The following EPHA6 variants were observed in gnomAD, a reference collection of about 807,000 sequenced individuals.
The protein encoded by EPHA6 is ephrin type-A receptor 6.
EPHA6 carries 50 observed loss-of-function variants against 112.0 expected under a neutral mutation model. The ratio of observed to expected loss-of-function variants is 0.45; its 90% CI spans 0.36 to 0.56. The LOEUF is 0.56. EPHA6 is among the 20% of genes least tolerant of loss of function. The probability of loss-of-function intolerance (pLI) is 0.00; values close to 1 mark genes in which losing one functional copy is unlikely to be tolerated. For missense variants in EPHA6, 1,280 were observed against 1,417.4 expected (o/e 0.90, Z 1.56); for synonymous variants, 529 against 490.7 (o/e 1.08, Z -1.03).
intron 11 of EPHA6, among the ~76,000 whole-genome samples, chr3:97,545,183 C>T (rs1289838086): frequency 6.6e-6 from 1 of 152,052 alleles, no homozygotes; most frequent in South Asian, 2.1e-4. Context: ...ATCTTTCCTG[C>T]TTTCTCTTGT....
rs557465531 is a variant in EPHA6 at position 97,213,952 on chromosome 3, C to G, written c.1115-12312C>G. On this transcript the variant is annotated intron_variant, in intron 3 of 17. Coordinates refer to ENST00000389672, the MANE Select transcript of EPHA6 (RefSeq NM_001080448.3). ...TGACAGTAAGAAATTGGAATTAGTA[C>G]CAGTACTCCTTTACATACATTATCT... Among the ~76,000 whole-genome samples the G allele has an allele frequency of 2.7e-5, 4 of 150,748 alleles. No individual in the cohort carries two copies. The South Asian group carries it at 6.3e-4, about 24-fold the overall frequency.
At chr3:97,373,282 T>A (rs1357337947) in intron 5 of EPHA6, among the ~76,000 whole-genome samples, 3 of 152,110 alleles carry the variant, frequency 2.0e-5, no homozygotes, top group Non-Finnish European at 4.4e-5. Flanking sequence ...CCATTTCTGT[T>A]CGTTTTGTAA....
intron 5 of EPHA6, among the ~76,000 whole-genome samples, chr3:97,396,732 G>T (rs759855201): frequency 2.1e-4 from 32 of 151,570 alleles, no homozygotes; most frequent in Non-Finnish European, 3.8e-4. Context: ...TTAAAATAAA[G>T]ACAGTCTCCA....
intron 10 of EPHA6, among the ~76,000 whole-genome samples, chr3:97,527,537 C>T (rs1289418342): frequency 6.6e-6 from 1 of 152,016 alleles, no homozygotes. Flanking sequence ...GGATTTTGTA[C>T]CTCAAGAGAT....
chr3:97,536,951 A>G (rs1003860027), intron 11 of EPHA6, among the ~76,000 whole-genome samples: 14 of 152,206 alleles, frequency 9.2e-5, no homozygotes, highest in Non-Finnish European at 2.1e-4. Context: ...TTTGTTTTTA[A>G]AAGAAGAGTC....
intron 3 of EPHA6, among the ~76,000 whole-genome samples, chr3:97,154,895 A>G (rs1368664708): frequency 1.3e-5 from 2 of 152,214 alleles, no homozygotes; most frequent in African/African-American, 4.8e-5. Flanking sequence ...TGCATACTTT[A>G]TTCACATTTT....
At chr3:97,075,840 G>T (rs1576441547) in intron 3 of EPHA6, among the ~76,000 whole-genome samples, 1 of 151,732 alleles carries the variant, frequency 6.6e-6, no homozygotes, top group Non-Finnish European at 1.5e-5. Context: ...TATTGTATCT[G>T]TTAGGTGATC....
rs1457323766 is a variant in EPHA6, at chr3:97,738,368, T to C, written c.3128+2250T>C. ...TTAATCTGGGCCCCTTGTTGTGGTA[T>C]AGAGTTAACAGAATCCACAATCAGT... On this transcript the variant is annotated intron_variant, in intron 16 of 17. Transcript: ENST00000389672. Among the ~76,000 whole-genome samples, 5 of 152,022 alleles carry C rather than the reference T, an allele frequency of 3.3e-5. No homozygotes were observed. The East Asian group carries it at 7.8e-4, about 24-fold the overall frequency.
chr3:97,308,105 C>T (rs548464915), intron 5 of EPHA6, among the ~76,000 whole-genome samples: 3 of 151,736 alleles, frequency 2.0e-5, no homozygotes, highest in South Asian at 2.1e-4. Flanking sequence ...ACTCATCAGT[C>T]GTCACCTCTT....
chr3:97,463,052 A>T (rs985514981), intron 7 of EPHA6, among the ~76,000 whole-genome samples: 1 of 152,162 alleles, frequency 6.6e-6, no homozygotes, highest in Admixed American at 6.6e-5. Context: ...AGATGAGAGA[A>T]ATACAAGAAT....
intron 2 of EPHA6, among the ~76,000 whole-genome samples, chr3:96,869,405 C>T (rs2036511405): frequency 1.3e-5 from 2 of 151,120 alleles, no homozygotes; most frequent in African/African-American, 4.9e-5. Context: ...AGGAATTGGC[C>T]TTGAAAAAAA....
intron 2 of EPHA6, among the ~76,000 whole-genome samples, chr3:96,962,412 A>G (rs536160444): frequency 1.3e-4 from 20 of 151,126 alleles, no homozygotes; most frequent in Admixed American, 8.6e-4. Flanking sequence ...AACAGAAGCT[A>G]GAGTTGAGAG....
intron 3 of EPHA6, among the ~76,000 whole-genome samples, chr3:97,127,860 A>G (rs1257991001): frequency 1.3e-5 from 2 of 151,900 alleles, no homozygotes; most frequent in Non-Finnish European, 2.9e-5. Flanking sequence ...GTGAAATTCA[A>G]TATTCTTTAG....
chr3:97,153,343 CA>C (rs948615570), intron 3 of EPHA6, among the ~76,000 whole-genome samples: 1 of 151,452 alleles, frequency 6.6e-6, no homozygotes, highest in Non-Finnish European at 1.5e-5. Context: ...ATAGTTTAAA[CA>C]AAAAAAATCC....
intron 2 of EPHA6, among the ~76,000 whole-genome samples, chr3:96,938,040 G>A (rs2040702322): frequency 6.6e-6 from 1 of 152,024 alleles, no homozygotes; most frequent in South Asian, 2.1e-4. Context: ...GTCAGGTAGT[G>A]TGATGCCTCC....
chr3:96,990,996 G>A (rs954997099), intron 3 of EPHA6, among the ~76,000 whole-genome samples: 1 of 150,518 alleles, frequency 6.6e-6, no homozygotes, highest in African/African-American at 2.5e-5. Context: ...CTACAGTATT[G>A]ATTTTTTTTT....
chr3:96,988,386 C>G (rs1437035021), intron 3 of EPHA6, among the ~76,000 whole-genome samples: 2 of 152,006 alleles, frequency 1.3e-5, no homozygotes, highest in Non-Finnish European at 2.9e-5. Flanking sequence ...CTGTATCCGC[C>G]TAATTTTTAT....
At chr3:96,975,826 CAG>C (rs1416138135) in intron 2 of EPHA6, among the ~76,000 whole-genome samples, 1 of 152,118 alleles carries the variant, frequency 6.6e-6, no homozygotes, top group Non-Finnish European at 1.5e-5. Context: ...GTCATGAAAA[CAG>C]AAATTATTTG....
At chr3:96,986,385 C>A (rs1268674147) in intron 2 of EPHA6, among the ~76,000 whole-genome samples, 1 of 152,142 alleles carries the variant, frequency 6.6e-6, no homozygotes, top group African/African-American at 2.4e-5. Context: ...TTTGGCTGCT[C>A]TCTGACTGTC....
Sources: gnomAD v4.1 joint callset for allele counts (sites outside exome capture counted in the v4.1 genomes callset) on GRCh38, gnomAD v4.1.1 for gene constraint, MANE v1.5 for transcripts, NCBI Gene and HGNC (gene_info 2026-07-23, HGNC 2026-07-21) for gene names.